The following SLC71A2 variants were observed in gnomAD, a reference collection of about 807,000 sequenced individuals.
The protein encoded by SLC71A2 is solute carrier family 71 member 2, also known as hippocampus abundant transcript-like 1.
chr9:94,413,121 T>C, the SLC71A2 span, among the ~76,000 whole-genome samples: 1 of 151,382 alleles, frequency 6.6e-6, no homozygotes, highest in South Asian at 2.1e-4. Flanking sequence ...CCTGAAAGTA[T>C]CAAGATCATG....
the SLC71A2 span, among the ~76,000 whole-genome samples, chr9:94,395,545 G>T: frequency 0.29 from 43,369 of 151,954 alleles, 7,594 homozygotes; most frequent in East Asian, 0.53. Context: ...CAGTGTGCTG[G>T]CTTTGGATCT....
the SLC71A2 span, among the ~76,000 whole-genome samples, chr9:94,424,367 T>C: frequency 2.0e-5 from 3 of 151,964 alleles, no homozygotes; most frequent in Non-Finnish European, 4.4e-5. Flanking sequence ...CCTGAGTAGC[T>C]GGAATAACAG....
chr9:94,416,519 C>T, the SLC71A2 span, among the ~76,000 whole-genome samples: 79 of 152,276 alleles, frequency 5.2e-4, no homozygotes, highest in Middle Eastern at 0.01. Flanking sequence ...TAAGACTTTG[C>T]TGTGAACCTT....
chr9:94,385,754 TTG>T, the SLC71A2 span, among the ~76,000 whole-genome samples: 1 of 152,014 alleles, frequency 6.6e-6, no homozygotes, highest in Admixed American at 6.6e-5. Context: ...CACTGTGGCT[TTG>T]TAGTTTTGAA....
the SLC71A2 span, among the ~76,000 whole-genome samples, chr9:94,394,921 T>TTG: frequency 1.2e-5 from 1 of 85,908 alleles, no homozygotes; most frequent in Admixed American, 9.5e-5. Flanking sequence ...TTTTGTTTTT[T>TTG]TTTTTTTTTT....
the SLC71A2 span, among the ~76,000 whole-genome samples, chr9:94,382,035 T>C: frequency 6.6e-6 from 1 of 151,980 alleles, no homozygotes; most frequent in East Asian, 1.9e-4. Context: ...TTTTTTTTTT[T>C]TTCCTCCTCC....
the SLC71A2 span, among the ~76,000 whole-genome samples, chr9:94,404,895 A>G: frequency 4.6e-5 from 7 of 152,266 alleles, no homozygotes; most frequent in East Asian, 1.4e-3. Flanking sequence ...TTTTGGTGCC[A>G]TATCCAAGAA....
chr9:94,389,194 T>G, the SLC71A2 span, among the ~76,000 whole-genome samples: 153 of 151,750 alleles, frequency 1.0e-3, no homozygotes, highest in Non-Finnish European at 1.8e-3. Context: ...TGAGAATTTT[T>G]TCCATATTAT....
At chr9:94,392,506 ATT>A in the SLC71A2 span, among the ~76,000 whole-genome samples, 328 of 147,312 alleles carry the variant, frequency 2.2e-3, no homozygotes, top group African/African-American at 6.6e-3. Flanking sequence ...ATTTAAAAGC[ATT>A]TTTTTTTTTT....
chr9:94,433,299 A>G, the SLC71A2 span: 2 of 157,348 alleles, frequency 1.3e-5, no homozygotes, highest in African/African-American at 4.8e-5. Context: ...CTGACTACAA[A>G]TAACAAATAC....
At chr9:94,440,879 A>G in the SLC71A2 span, 7 of 620,030 alleles carry the variant, frequency 1.1e-5, no homozygotes, top group Admixed American at 1.9e-4. Context: ...ATATACAAGT[A>G]TACTTATTTC....
At chr9:94,456,266 C>T in the SLC71A2 span, 3 of 1,614,120 alleles carry the variant, frequency 1.9e-6, no homozygotes, top group Non-Finnish European at 2.5e-6. Context: ...GGGACCGTGG[C>T]TGCCATGTCC....
the SLC71A2 span, among the ~76,000 whole-genome samples, chr9:94,453,756 T>C: frequency 1.3e-5 from 2 of 152,262 alleles, no homozygotes; most frequent in South Asian, 2.1e-4. Context: ...GCTGAAAGCA[T>C]TGAGCCCCAG....
the SLC71A2 span, among the ~76,000 whole-genome samples, chr9:94,436,459 T>C: frequency 6.6e-6 from 1 of 152,240 alleles, no homozygotes; most frequent in South Asian, 2.1e-4. Flanking sequence ...TATGAACAAC[T>C]CCTTCCCTGT....
chr9:94,416,088 G>A, the SLC71A2 span, among the ~76,000 whole-genome samples: 1 of 152,196 alleles, frequency 6.6e-6, no homozygotes. Flanking sequence ...CTATGATGCG[G>A]TTAGAAGGAA....
At chr9:94,422,993 G>A in the SLC71A2 span, among the ~76,000 whole-genome samples, 19 of 147,792 alleles carry the variant, frequency 1.3e-4, no homozygotes, top group African/African-American at 4.7e-4. Context: ...GGAGTGTGCA[G>A]TGGTGCGATA....
chr9:94,432,399 C>G, the SLC71A2 span, among the ~76,000 whole-genome samples: 12 of 151,762 alleles, frequency 7.9e-5, no homozygotes, highest in Admixed American at 2.0e-4. Context: ...ACTTGGGAGG[C>G]TGAGGCAGGA....
the SLC71A2 span, among the ~76,000 whole-genome samples, chr9:94,418,114 G>T: frequency 6.6e-6 from 1 of 152,126 alleles, no homozygotes; most frequent in African/African-American, 2.4e-5. Context: ...GCCCGCCTCG[G>T]GCTCCCAGAG....
chr9:94,415,462 C>T, the SLC71A2 span, among the ~76,000 whole-genome samples: 1 of 151,882 alleles, frequency 6.6e-6, no homozygotes, highest in African/African-American at 2.4e-5. Flanking sequence ...GGTAGCACTG[C>T]ACTCTTATTG....
Sources: gnomAD v4.1 joint callset for allele counts (sites outside exome capture counted in the v4.1 genomes callset) on GRCh38, gnomAD v4.1.1 for gene constraint, MANE v1.5 for transcripts, NCBI Gene and HGNC (gene_info 2026-07-23, HGNC 2026-07-21) for gene names.